The following LRRC37A2 variants were observed in gnomAD, a reference collection of about 807,000 sequenced individuals.
The protein encoded by LRRC37A2 is leucine rich repeat containing 37 member A2.
LRRC37A2 carries 9 observed loss-of-function variants against 68.8 expected under a neutral mutation model. That is an observed-to-expected ratio of 0.13 (90% CI 0.08 to 0.23). The LOEUF is 0.23. Among genes scored for constraint, LRRC37A2 ranks in the 10% least tolerant of loss-of-function variants. LRRC37A2 has a pLI of 1.00. For missense variants in LRRC37A2, 168 were observed against 950.4 expected (o/e 0.18, Z 10.82); for synonymous variants, 63 against 367.6 (o/e 0.17, Z 9.48).
chr17:46,716,474 G>A, the LRRC37A2 span, among the ~76,000 whole-genome samples: 1 of 152,042 alleles, frequency 6.6e-6, no homozygotes, highest in African/African-American at 2.4e-5. Flanking sequence ...AGCCAGGATG[G>A]TCTTGATCTC....
chr17:46,895,372 G>GGGGA, the LRRC37A2 span, among the ~76,000 whole-genome samples: 1 of 152,236 alleles, frequency 6.6e-6, no homozygotes, highest in Non-Finnish European at 1.5e-5. Flanking sequence ...TGGGCTGTAC[G>GGGGA]AGTCAAATCC....
the LRRC37A2 span, chr17:46,755,977 C>A: frequency 1.5e-6 from 1 of 681,330 alleles, no homozygotes; most frequent in African/African-American, 1.8e-5. Flanking sequence ...AATAAAACTC[C>A]CTTCCTTATG....
the LRRC37A2 span, chr17:46,755,940 C>T: frequency 2.1e-6 from 2 of 940,426 alleles, no homozygotes; most frequent in Admixed American, 4.6e-5. Context: ...CTACCTTCAA[C>T]ATGTGCTCGC....
At chr17:46,803,993 G>A in the LRRC37A2 span, among the ~76,000 whole-genome samples, 1 of 152,106 alleles carries the variant, frequency 6.6e-6, no homozygotes. Flanking sequence ...CTGGCTGTGA[G>A]GAAACTCAGG....
At chr17:46,768,272 C>T in the LRRC37A2 span, 7 of 1,611,504 alleles carry the variant, frequency 4.3e-6, no homozygotes, top group East Asian at 1.6e-4. This position sits in a 1 kb window ranked among gnomAD's most constrained non-coding sequence, Gnocchi z 5.0. Context: ...ATTCCCTGCG[C>T]CCAGGCTCCC....
At chr17:46,848,830 C>T in the LRRC37A2 span, among the ~76,000 whole-genome samples, 1 of 152,220 alleles carries the variant, frequency 6.6e-6, no homozygotes, top group African/African-American at 2.4e-5. Context: ...CTCCCAGCCT[C>T]TGTTTTTTCA....
At chr17:46,814,401 A>T in the LRRC37A2 span, among the ~76,000 whole-genome samples, 19,126 of 152,092 alleles carry the variant, frequency 0.13, 1,274 homozygotes, top group Non-Finnish European at 0.14. Context: ...TCGGCCACCA[A>T]TTTTGCTCCC....
At chr17:46,930,985 TGAAATATGTA>T in the LRRC37A2 span, 1 of 703,100 alleles carries the variant, frequency 1.4e-6, no homozygotes, top group South Asian at 1.6e-5. Flanking sequence ...TTTCTCCTTT[TGAAATATGTA>T]GTTCTAGTTT....
the LRRC37A2 span, among the ~76,000 whole-genome samples, chr17:46,719,822 G>A: frequency 6.6e-6 from 1 of 152,154 alleles, no homozygotes; most frequent in African/African-American, 2.4e-5. The surrounding 1 kb of genome is among the most constrained non-coding windows in gnomAD (Gnocchi z 4.3). Context: ...AATCAGTAGA[G>A]ATGAAGTAGA....
the LRRC37A2 span, chr17:47,047,221 G>C: frequency 5.7e-6 from 1 of 176,086 alleles, no homozygotes; most frequent in Non-Finnish European, 1.0e-5. Context: ...AGACAGTCAA[G>C]CTGCATTGCA....
the LRRC37A2 span, chr17:46,937,521 G>A: frequency 6.6e-6 from 1 of 152,148 alleles, no homozygotes; most frequent in Non-Finnish European, 1.5e-5. Flanking sequence ...ATCAGCCTTT[G>A]TAACTCACAC....
chr17:46,944,495 G>A, the LRRC37A2 span, among the ~76,000 whole-genome samples: 2 of 152,204 alleles, frequency 1.3e-5, no homozygotes, highest in African/African-American at 4.8e-5. Flanking sequence ...CTCAGCCTGG[G>A]CTGCTTCCTG....
At chr17:47,036,069 C>T in the LRRC37A2 span, among the ~76,000 whole-genome samples, 1 of 152,072 alleles carries the variant, frequency 6.6e-6, no homozygotes, top group Non-Finnish European at 1.5e-5. Context: ...GGATATTAGA[C>T]CTTAACAGAT....
chr17:46,790,193 A>G, the LRRC37A2 span, among the ~76,000 whole-genome samples: 1 of 152,068 alleles, frequency 6.6e-6, no homozygotes, highest in Non-Finnish European at 1.5e-5. Context: ...TCCTTGCTTT[A>G]GCTCTGTCCT....
chr17:46,946,939 G>T, the LRRC37A2 span, among the ~76,000 whole-genome samples: 1 of 152,194 alleles, frequency 6.6e-6, no homozygotes, highest in African/African-American at 2.4e-5. Flanking sequence ...GATATCAGAG[G>T]GTGGAGAGCC....
the LRRC37A2 span, among the ~76,000 whole-genome samples, chr17:46,709,748 G>A: frequency 6.6e-6 from 1 of 152,156 alleles, no homozygotes; most frequent in East Asian, 1.9e-4. Flanking sequence ...ACCCGCCTCA[G>A]CCTCCCAAAG....
chr17:46,726,505 CTG>C, the LRRC37A2 span: 107 of 1,565,584 alleles, frequency 6.8e-5, no homozygotes, highest in Non-Finnish European at 9.0e-5. Flanking sequence ...ATTGTCGTAA[CTG>C]TGGAGGACAG....
At chr17:47,006,948 T>G in the LRRC37A2 span, among the ~76,000 whole-genome samples, 1 of 152,218 alleles carries the variant, frequency 6.6e-6, no homozygotes, top group Non-Finnish European at 1.5e-5. Context: ...TTCCGAATAG[T>G]GCTGAGAATA....
At chr17:46,956,639 T>C in the LRRC37A2 span, among the ~76,000 whole-genome samples, 1 of 152,104 alleles carries the variant, frequency 6.6e-6, no homozygotes, top group African/African-American at 2.4e-5. Context: ...CCCTTGATGA[T>C]TGTGTAATGA....
Sources: gnomAD v4.1 joint callset for allele counts (sites outside exome capture counted in the v4.1 genomes callset) on GRCh38, gnomAD v4.1.1 for gene constraint, Gnocchi (gnomAD v3.1) non-coding constraint, MANE v1.5 for transcripts, NCBI Gene and HGNC (gene_info 2026-07-23, HGNC 2026-07-21) for gene names.